The following USP9Y variants were observed in gnomAD, a reference collection of about 807,000 sequenced individuals.
USP9Y encodes ubiquitin carboxyl-terminal hydrolase 9Y.
Under a neutral mutation model 53.1 loss-of-function variants are expected in USP9Y, and 41 were observed. The observed-to-expected ratio is 0.77, with a 90% CI of 0.60 to 1.00. USP9Y has a LOEUF of 1.00. Ranked by LOEUF, USP9Y falls within the 50% of genes least tolerant of loss-of-function variation. The probability of loss-of-function intolerance (pLI) is 0.00; values close to 1 mark genes in which losing one functional copy is unlikely to be tolerated. For missense variants in USP9Y, 567 were observed against 535.8 expected, an observed-to-expected ratio of 1.06 and a Z score of -0.58; for synonymous variants, 220 against 173.7, an observed-to-expected ratio of 1.27 and a Z score of -2.09.
At chrY:12,846,899 T>C in intron 40 of USP9Y, 34 bp from the exon 41 acceptor site, 1 of 307,031 alleles carries the variant, frequency 3.3e-6, no homozygotes, top group Non-Finnish European at 5.0e-6. Context: ...TGAGGAATTC[T>C]ATTGGTTTTT....
chrY:12,777,807 T>A, intron 19 of USP9Y, among the ~76,000 whole-genome samples: 1 of 32,862 alleles, frequency 3.0e-5, no homozygotes, highest in Non-Finnish European at 7.5e-5. Flanking sequence ...AGAATTTGAT[T>A]ATTGCATTTC....
chrY:12,841,438 G>A, intron 37 of USP9Y, among the ~76,000 whole-genome samples: 1 of 32,640 alleles, frequency 3.1e-5, no homozygotes, highest in Non-Finnish European at 7.5e-5. Flanking sequence ...GCTTATACCT[G>A]TAATCCCAAC....
chrY:12,800,154 A>AG (rs2053517718), intron 27 of USP9Y, among the ~76,000 whole-genome samples: 1 of 33,670 alleles, frequency 3.0e-5, no homozygotes, highest in Non-Finnish European at 7.4e-5. Context: ...TGCGTGGCTA[A>AG]GTGCCTGGGT....
At chrY:12,762,421 T>C (rs2053476211) in intron 15 of USP9Y, among the ~76,000 whole-genome samples, 1 of 33,852 alleles carries the variant, frequency 3.0e-5, no homozygotes, top group South Asian at 6.5e-4. Context: ...TAGGGTGCTC[T>C]GTTTATTTGT....
Position 12,840,220 on chromosome Y carries a change from C to T in USP9Y, c.5694C>T (p.His1898=). ...QRNGKDDQTD[H]WYKFDDGDVT... ...ATGGTAAAGATGATCAGACAGATCA[C>T]TGGTATAAATTTGATGATGGAGATG... Residue 1898 remains histidine, a synonymous_variant, in exon 36 of 46, where the codon CAC becomes CAT. Transcript: ENST00000338981. 1 of 398,213 alleles carries T rather than the reference C, an allele frequency of 2.5e-6. No individual in the cohort carries two copies. Among genetic ancestry groups the T allele is most frequent in the Non-Finnish European group, 3.5e-6 (1 of 283,353 alleles).
chrY:12,841,548 A>G, intron 37 of USP9Y, among the ~76,000 whole-genome samples: 2 of 32,156 alleles, frequency 6.2e-5, no homozygotes, highest in Admixed American at 2.9e-4. Flanking sequence ...AAATTACCTC[A>G]GTGTGGTGAC....
intron 6 of USP9Y, 97 bp downstream of exon 6, chrY:12,725,322 T>A: frequency 5.3e-6 from 1 of 187,440 alleles, no homozygotes; most frequent in East Asian, 1.2e-4. Flanking sequence ...TATTAACATA[T>A]CAAGTCTGCT....
chrY:12,760,109 A>G (rs2053473840), intron 14 of USP9Y, among the ~76,000 whole-genome samples: 1 of 34,221 alleles, frequency 2.9e-5, no homozygotes, highest in Admixed American at 2.6e-4. Context: ...GGTTTCGTCA[A>G]TAATGACAAA....
At chrY:12,819,699 T>C in intron 33 of USP9Y, among the ~76,000 whole-genome samples, 1 of 31,756 alleles carries the variant, frequency 3.1e-5, no homozygotes, top group Non-Finnish European at 7.6e-5. Flanking sequence ...TATATCTTTA[T>C]ATACTGTATA....
intron 10 of USP9Y, among the ~76,000 whole-genome samples, chrY:12,737,038 C>T: frequency 3.4e-5 from 1 of 29,251 alleles, no homozygotes; most frequent in Non-Finnish European, 8.1e-5. Context: ...TGCAGTGACA[C>T]GATCTCCACT....
At chrY:12,810,976 A>T in intron 29 of USP9Y, among the ~76,000 whole-genome samples, 158 bp downstream of exon 29, 1 of 33,853 alleles carries the variant, frequency 3.0e-5, no homozygotes, top group African/African-American at 1.2e-4. Context: ...CAAAATGTGT[A>T]CTTTTCACTA....
At position 12,808,731 on chromosome Y, in the gene USP9Y, A is replaced by G. The variant is rs1569390821; in HGVS notation, c.3984-1448A>G. Among the ~76,000 whole-genome samples the G allele has an allele frequency of 2.1e-4, 7 of 33,701 alleles. No homozygotes were observed. In the East Asian group the frequency reaches 2.3e-3, roughly 11 times the overall value. The allele number at this position is 33,701 out of a possible 37,273, so 90.4% of individuals were successfully genotyped here. A position where few individuals can be genotyped will look rare whatever the true frequency, so the allele number is the denominator to read the frequency against. On this transcript the variant is annotated intron_variant, in intron 27 of 45. Coordinates refer to ENST00000338981, the MANE Select transcript of USP9Y (RefSeq NM_004654.4). The stretch of plus-strand genomic sequence containing the variant: ...ATTTTCCTTAAAATAATTAAGTAGT[A>G]TATTAACCTCCTAATTTGGGTTCCT...
chrY:12,790,516 A>G lies in USP9Y; in HGVS notation c.3671A>G (p.Gln1224Arg). ...AGAAATGAGTCCATACTTCTTGCTC[A>G]GGAAATATCTAATGAGGTTAGTATG... ...VLRNESILLA[Q>R]EISNEASRYM... Residue 1224 changes from glutamine to arginine, a missense_variant, in exon 25 of 46, where the codon CAG (glutamine) becomes CGG (arginine). Gln to Arg is a conservative substitution (Grantham distance 43). Coordinates refer to ENST00000338981, the MANE Select transcript of USP9Y (RefSeq NM_004654.4). 7.6e-6 allele frequency: 3 copies of G among 394,326 alleles called. No individual in the cohort carries two copies. Among genetic ancestry groups the G allele is most frequent in the African/African-American group, 6.5e-5 (1 of 15,475 alleles).
chrY:12,815,228 G>T (rs2053535416), intron 31 of USP9Y, among the ~76,000 whole-genome samples: 1 of 33,689 alleles, frequency 3.0e-5, no homozygotes, highest in Admixed American at 2.6e-4. Context: ...TTATTTTTTT[G>T]TTGTTGTTTT....
intron 15 of USP9Y, among the ~76,000 whole-genome samples, chrY:12,761,157 G>A (rs769457487): frequency 3.0e-5 from 1 of 33,750 alleles, no homozygotes; most frequent in East Asian, 7.9e-4. Flanking sequence ...ACAGGGTTTC[G>A]CCATGTTGAC....
chrY:12,851,656 G>T, intron 42 of USP9Y, among the ~76,000 whole-genome samples: 1 of 30,780 alleles, frequency 3.2e-5, no homozygotes, highest in Admixed American at 3.0e-4. Context: ...GGCTGATACC[G>T]CTTGTTCCTT....
intron 33 of USP9Y, among the ~76,000 whole-genome samples, chrY:12,832,288 G>T (rs2053551489): frequency 3.0e-5 from 1 of 33,598 alleles, no homozygotes. Flanking sequence ...TAAATGTTGT[G>T]TTGTATTTAT....
intron 11 of USP9Y, among the ~76,000 whole-genome samples, chrY:12,738,685 C>T (rs2053454293): frequency 3.1e-5 from 1 of 31,894 alleles, no homozygotes. Context: ...GGACTACAAG[C>T]GCCCACCACC....
intron 27 of USP9Y, among the ~76,000 whole-genome samples, chrY:12,808,140 C>G (rs2053526396): frequency 2.9e-5 from 1 of 34,109 alleles, no homozygotes; most frequent in African/African-American, 1.1e-4. Flanking sequence ...TCTGATTTCT[C>G]CAAAAGAAAG....
Sources: gnomAD v4.1 joint callset for allele counts (sites outside exome capture counted in the v4.1 genomes callset) on GRCh38, gnomAD v4.1.1 for gene constraint, MANE v1.5 for transcripts, NCBI Gene and HGNC (gene_info 2026-07-23, HGNC 2026-07-21) for gene names.